MCTP1: variants seen among roughly 807,000 people sequenced by gnomAD.
The protein encoded by MCTP1 is multiple C2 and transmembrane domain containing 1.
A neutral mutation model predicts 120.6 loss-of-function variants in MCTP1; 69 were observed. That is an observed-to-expected ratio of 0.57 (90% CI 0.47 to 0.70). MCTP1 has a LOEUF of 0.70. MCTP1 is among the 30% of genes least tolerant of loss of function. The pLI is 0.00. For missense variants in MCTP1, 1,203 were observed against 1,248.8 expected (o/e 0.96, Z 0.55); for synonymous variants, 529 against 493.1 (o/e 1.07, Z -0.96).
intron 9 of MCTP1, among the ~76,000 whole-genome samples, chr5:94,910,839 GA>G (rs1191424757): frequency 1.4e-5 from 2 of 141,404 alleles, no homozygotes; most frequent in African/African-American, 2.8e-5. Context: ...CCCCATGGCA[GA>G]AAAAAAATGG....
intron 19 of MCTP1, among the ~76,000 whole-genome samples, chr5:94,770,942 CAG>C (rs1236178273): frequency 6.6e-6 from 1 of 152,108 alleles, no homozygotes; most frequent in Non-Finnish European, 1.5e-5. Flanking sequence ...TTCGCCAAGT[CAG>C]TGTTTCCAGC....
chr5:94,824,164 T>A (rs1227517799), intron 17 of MCTP1, among the ~76,000 whole-genome samples: 3 of 152,232 alleles, frequency 2.0e-5, no homozygotes, highest in African/African-American at 7.2e-5. Flanking sequence ...CCATTCAGGA[T>A]GATATTGGCT....
chr5:95,102,985 A>C (rs1259357685), intron 1 of MCTP1, among the ~76,000 whole-genome samples: 1 of 152,206 alleles, frequency 6.6e-6, no homozygotes, highest in Non-Finnish European at 1.5e-5. Flanking sequence ...TTTCCTTAGC[A>C]AAATAGGATG....
chr5:94,840,755 T>C (rs928670919), intron 17 of MCTP1, among the ~76,000 whole-genome samples: 1 of 152,242 alleles, frequency 6.6e-6, no homozygotes, highest in African/African-American at 2.4e-5. Flanking sequence ...CTTGTAAGAA[T>C]GAAATCATAT....
intron 2 of MCTP1, among the ~76,000 whole-genome samples, chr5:94,982,870 A>G (rs1289403164): frequency 7.1e-6 from 1 of 141,198 alleles, no homozygotes; most frequent in African/African-American, 2.7e-5. Flanking sequence ...CCTGGGGGAC[A>G]GAGCACACTT....
At chr5:94,983,323 C>G (rs1308787953) in intron 2 of MCTP1, among the ~76,000 whole-genome samples, 1 of 152,150 alleles carries the variant, frequency 6.6e-6, no homozygotes, top group Non-Finnish European at 1.5e-5. Context: ...TTGTTTTAAG[C>G]TTGCGGAAAT....
chr5:95,168,518 C>T (rs1746753854), intron 1 of MCTP1, among the ~76,000 whole-genome samples: 1 of 152,200 alleles, frequency 6.6e-6, no homozygotes, highest in South Asian at 2.1e-4. Flanking sequence ...TTGATTCTAC[C>T]TATCCATGAG....
chr5:95,244,239 G>T (rs1178269341), intron 1 of MCTP1, among the ~76,000 whole-genome samples: 3 of 152,134 alleles, frequency 2.0e-5, no homozygotes, highest in African/African-American at 4.8e-5. Flanking sequence ...TCTGTATATC[G>T]GTCTATAGCT....
At chr5:95,188,627 T>G (rs1357837854) in intron 1 of MCTP1, among the ~76,000 whole-genome samples, 1 of 152,180 alleles carries the variant, frequency 6.6e-6, no homozygotes, top group African/African-American at 2.4e-5. Context: ...AATAGCATTC[T>G]TGAAATAACA....
chr5:95,250,062 C>T (rs752131087), intron 1 of MCTP1, among the ~76,000 whole-genome samples: 28 of 152,096 alleles, frequency 1.8e-4, no homozygotes, highest in African/African-American at 5.6e-4. Context: ...ATGTAAATGA[C>T]GAGTTGATGG....
At chr5:95,038,825 T>C (rs2151863696) in intron 1 of MCTP1, among the ~76,000 whole-genome samples, 1 of 152,342 alleles carries the variant, frequency 6.6e-6, no homozygotes, top group South Asian at 2.1e-4. Flanking sequence ...CACATTAGGC[T>C]ATAAGTCATG....
intron 1 of MCTP1, among the ~76,000 whole-genome samples, chr5:95,056,576 G>A (rs1454386072): frequency 6.6e-6 from 1 of 152,136 alleles, no homozygotes. Flanking sequence ...CCTTATCTTA[G>A]TATTTAGGCT....
chr5:95,208,721 C>A (rs1472244748), intron 1 of MCTP1, among the ~76,000 whole-genome samples: 1 of 145,884 alleles, frequency 6.9e-6, no homozygotes, highest in African/African-American at 2.5e-5. Flanking sequence ...CATCTTCAAC[C>A]CTTTCAGAAA....
At chr5:94,796,147 C>T (rs1288119150) in intron 18 of MCTP1, among the ~76,000 whole-genome samples, 5 of 152,130 alleles carry the variant, frequency 3.3e-5, no homozygotes, top group Admixed American at 6.5e-5. Context: ...TCTTCAACTT[C>T]GTATGTCACG....
At chr5:94,907,336 C>T (rs1231350625) in intron 10 of MCTP1, among the ~76,000 whole-genome samples, 1 of 152,140 alleles carries the variant, frequency 6.6e-6, no homozygotes, top group Non-Finnish European at 1.5e-5. Context: ...TTCAGTATCT[C>T]AAAATCTAAC....
intron 17 of MCTP1, among the ~76,000 whole-genome samples, chr5:94,839,989 C>T (rs1283369183): frequency 1.3e-5 from 2 of 152,130 alleles, no homozygotes; most frequent in Non-Finnish European, 2.9e-5. Flanking sequence ...TAATTATGTC[C>T]TCTGGTGATA....
chr5:94,863,849 T>C (rs1208666808), intron 17 of MCTP1, among the ~76,000 whole-genome samples: 2 of 151,502 alleles, frequency 1.3e-5, no homozygotes, highest in Admixed American at 1.3e-4. Flanking sequence ...CATTTGGCTA[T>C]ACAGAGCTGC....
At chr5:94,736,482 C>CA (rs199887247) in intron 19 of MCTP1, among the ~76,000 whole-genome samples, 1 of 151,700 alleles carries the variant, frequency 6.6e-6, no homozygotes, top group South Asian at 2.1e-4. Context: ...GACCCTGTCT[C>CA]AAAAAAAAAT....
chr5:94,784,574 GAAT>G (rs1013286025), intron 18 of MCTP1, among the ~76,000 whole-genome samples: 1 of 151,994 alleles, frequency 6.6e-6, no homozygotes, highest in African/African-American at 2.4e-5. Context: ...ACGTTTGTAA[GAAT>G]AATAAGATTC....
Sources: allele counts gnomAD v4.1 joint callset (sites outside exome capture counted in the v4.1 genomes callset), GRCh38; gene constraint gnomAD v4.1.1; transcripts MANE v1.5; gene names NCBI Gene and HGNC (gene_info 2026-07-23, HGNC 2026-07-21).